The following ZNF226 variants were observed in gnomAD, a reference collection of about 807,000 sequenced individuals.
ZNF226 encodes Kruppel-associated box protein.
A neutral mutation model predicts 11.4 loss-of-function variants in ZNF226; 6 were observed. That is an observed-to-expected ratio of 0.53 (90% CI 0.29 to 1.04). ZNF226 has a LOEUF of 1.04. Among genes scored for constraint, ZNF226 ranks in the 50% least tolerant of loss-of-function variants. The pLI, the probability that ZNF226 is intolerant of heterozygous loss-of-function variation, is 0.08. For synonymous variants in ZNF226, 350 were observed against 322.8 expected, an observed-to-expected ratio of 1.08 and a Z score of -0.90; for missense variants, 1,058 against 956.5, an observed-to-expected ratio of 1.11 and a Z score of -1.40.
At position 44,177,166 on chromosome 19, in the gene ZNF226, G is replaced by A. The variant is rs752031309; in HGVS notation, c.1904G>A (p.Arg635Lys). The stretch of plus-strand genomic sequence containing the variant: ...GCCTCAAATCTTTTGGCCCATCAGA[G>A]AGTCCACAGTGGAGAAAAACCATTC... ...RQASNLLAHQ[R>K]VHSGEKPFKC... is the part of the protein sequence containing the mutation. The change falls in exon 6 of 6, where the codon AGA (arginine) becomes AAA (lysine). Residue 635 changes from arginine to lysine, a missense_variant. By Grantham distance (26) the Arg-to-Lys change is conservative. Transcript: ENST00000337433. The A allele has an allele frequency of 1.9e-6, 3 of 1,614,074 alleles. No homozygotes were observed. Among genetic ancestry groups the A allele is most frequent in the Non-Finnish European group, 2.5e-6 (3 of 1,179,990 alleles).
rs755403287 is a variant in ZNF226 at position 44,176,217 on chromosome 19, G to T, written c.955G>T (p.Gly319Cys). The change falls in exon 6 of 6, where the codon GGC becomes TGC. Residue 319 changes from glycine to cysteine, a missense_variant. By Grantham distance (159) the Gly-to-Cys change is radical. Transcript: ENST00000337433. ...CDECGKEFSQ[G>C]AHLQTHQKVH... ...TGAGTGTGGTAAGGAATTCAGTCAG[G>T]GCGCTCATCTACAGACCCATCAGAA... The T allele has an allele frequency of 6.2e-7, 1 of 1,614,018 alleles. No homozygotes were observed. Among genetic ancestry groups the T allele is most frequent in the South Asian group, 1.1e-5 (1 of 91,064 alleles).
rs1311798465 is a variant in ZNF226 at position 44,174,059 on chromosome 19, G to A, written c.235+1107G>A. 4 of 152,264 alleles carry A rather than the reference G, an allele frequency of 2.6e-5. No individual in the cohort carries two copies. The East Asian group carries it at 7.7e-4, about 29-fold the overall frequency. The allele number at this position is 152,264 out of a possible 1,614,324, so 9.4% of individuals were successfully genotyped here. A position where few individuals can be genotyped will look rare whatever the true frequency, so the allele number is the denominator to read the frequency against. ...TCCATGGAGGTAACTAATAGGTGGT[G>A]AACAAATCAGCATAAATAAGGGATA... On this transcript the variant is annotated intron_variant, in intron 5 of 5. Coordinates refer to ENST00000337433, the MANE Select transcript of ZNF226 (RefSeq NM_001032373.2).
Position 44,170,999 on chromosome 19 carries a change from C to T in ZNF226, c.15+904C>T, listed in dbSNP as rs539032018. ...GTACTTGTAATTATATATTGGCATT[C>T]ATAACATAGATATAATTTTACATTT... On this transcript the variant is annotated intron_variant, in intron 3 of 5. Transcript: ENST00000337433. Among the ~76,000 whole-genome samples the T allele has an allele frequency of 5.9e-5, 9 of 151,358 alleles. No individual in the cohort carries two copies. In the South Asian group the frequency reaches 1.9e-3, roughly 32 times the overall value.
downstream of ZNF226, among the ~76,000 whole-genome samples, chr19:44,179,970 C>G (rs572084724): frequency 5.1e-4 from 77 of 151,194 alleles, no homozygotes; most frequent in African/African-American, 1.7e-3. Flanking sequence ...GCCTGTAATT[C>G]CAGCTACTCA....
chr19:44,180,291 G>A (rs932499834), downstream of ZNF226, among the ~76,000 whole-genome samples: 10 of 152,056 alleles, frequency 6.6e-5, no homozygotes, highest in African/African-American at 1.9e-4. Flanking sequence ...TTTCTTAGGC[G>A]TTTCTGTGAC....
chr19:44,190,873 C>G, the ZNF226 span, among the ~76,000 whole-genome samples: 2 of 151,982 alleles, frequency 1.3e-5, no homozygotes, highest in Non-Finnish European at 2.9e-5. Flanking sequence ...TTGAAGGGAT[C>G]AAATAGAAAA....
the ZNF226 span, among the ~76,000 whole-genome samples, chr19:44,187,830 TTTTA>T: frequency 5.5e-4 from 84 of 152,226 alleles, no homozygotes; most frequent in Middle Eastern, 3.4e-3. This position sits in a 1 kb window ranked among gnomAD's most constrained non-coding sequence, Gnocchi z 4.0. Flanking sequence ...GTATCTCTGT[TTTTA>T]TTTGTCTCCT....
In ZNF226 at chr19:44,175,554, C is replaced by T; in HGVS notation, c.292C>T (p.Leu98Phe). 1 of 1,612,468 alleles carries T rather than the reference C, an allele frequency of 6.2e-7. No homozygotes were observed. The highest frequency in any genetic ancestry group is 8.5e-7 in the Non-Finnish European group (1 of 1,179,282). ...TVQDRESEEE[L>F]SCWQIWQQIA... ...TCAAGACAGAGAATCAGAAGAAGAGCTTTCTTGTTGGCAAATCTGGCAACA... is the reference window on the plus strand; with the variant it reads ...TCAAGACAGAGAATCAGAAGAAGAGTTTTCTTGTTGGCAAATCTGGCAACA... The change falls in exon 6 of 6, where the codon CTT (leucine) becomes TTT (phenylalanine). Residue 98 changes from leucine (L) to phenylalanine (F), a missense_variant. Leu to Phe is a conservative substitution (Grantham distance 22, BLOSUM62 0). Transcript: ENST00000337433.
chr19:44,184,140 C>A, the ZNF226 span, among the ~76,000 whole-genome samples: 1 of 152,202 alleles, frequency 6.6e-6, no homozygotes, highest in Non-Finnish European at 1.5e-5. Flanking sequence ...CTGCCCGGCT[C>A]TTTACAGAAA....
At chr19:44,174,983 G>A (rs1402281307) in intron 5 of ZNF226, 1 of 1,609,870 alleles carries the variant, frequency 6.2e-7, no homozygotes, top group African/African-American at 1.3e-5. Flanking sequence ...TTGTATTTCA[G>A]ATACCTTACT....
the ZNF226 span, among the ~76,000 whole-genome samples, chr19:44,186,630 G>T: frequency 1.3e-5 from 2 of 151,944 alleles, no homozygotes; most frequent in African/African-American, 4.8e-5. Context: ...CAAGTCATCT[G>T]CAAATGGAGA....
the ZNF226 span, among the ~76,000 whole-genome samples, chr19:44,184,342 G>A: frequency 6.6e-6 from 1 of 152,186 alleles, no homozygotes; most frequent in Non-Finnish European, 1.5e-5. Context: ...AGCACTTTGG[G>A]AGGCCGAGGC....
At chr19:44,192,685 G>A in the ZNF226 span, among the ~76,000 whole-genome samples, 21,375 of 152,098 alleles carry the variant, frequency 0.14, 3,826 homozygotes, top group African/African-American at 0.41. Flanking sequence ...TTTTAAATGA[G>A]GGAGATAGTA....
chr19:44,171,692 A>T (rs1970109012), intron 3 of ZNF226, among the ~76,000 whole-genome samples: 1 of 152,236 alleles, frequency 6.6e-6, no homozygotes, highest in South Asian at 2.1e-4. Flanking sequence ...AGAGTCCTTC[A>T]TTCAGAAACC....
chr19:44,179,517 C>T (rs76187118), downstream of ZNF226, among the ~76,000 whole-genome samples: 1,409 of 152,262 alleles, frequency 9.3e-3, 11 homozygotes, highest in Non-Finnish European at 0.015. Flanking sequence ...TTCAAAGATA[C>T]AGATGCATTG....
chr19:44,179,077 T>C (rs184243524), downstream of ZNF226, among the ~76,000 whole-genome samples: 78 of 152,016 alleles, frequency 5.1e-4, no homozygotes, highest in African/African-American at 1.7e-3. Context: ...TTACTTGGGG[T>C]GTTGAGGCAG....
the ZNF226 span, among the ~76,000 whole-genome samples, chr19:44,197,257 CATG>C: frequency 6.6e-6 from 1 of 152,144 alleles, no homozygotes; most frequent in African/African-American, 2.4e-5. Flanking sequence ...ATTTCTGTGT[CATG>C]GAGAATACAT....
At position 44,176,246 on chromosome 19, in the gene ZNF226, C is replaced by T; in HGVS notation, c.984C>T (p.Val328=). 6.2e-7 allele frequency: 1 copy of T among 1,614,108 alleles called. No individual in the cohort carries two copies. Among genetic ancestry groups the T allele is most frequent in the Non-Finnish European group, 8.5e-7 (1 of 1,180,024 alleles). ...QGAHLQTHQK[V]HVIEKPYKCK... ...CTCATCTACAGACCCATCAGAAAGT[C>T]CACGTGATAGAGAAACCATACAAAT... Residue 328 remains valine (V), a synonymous_variant, in exon 6 of 6, where the codon GTC becomes GTT. Transcript: ENST00000337433.
intron 2 of ZNF226, among the ~76,000 whole-genome samples, chr19:44,167,553 C>G (rs1015234015): frequency 1.3e-5 from 2 of 152,084 alleles, no homozygotes; most frequent in African/African-American, 4.8e-5. Flanking sequence ...CTCCTGACCT[C>G]AGGTGATCCA....
Sources: allele counts gnomAD v4.1 joint callset (sites outside exome capture counted in the v4.1 genomes callset), GRCh38; gene constraint gnomAD v4.1.1; non-coding constraint Gnocchi (gnomAD v3.1); transcripts MANE v1.5; gene names NCBI Gene and HGNC (gene_info 2026-07-23, HGNC 2026-07-21).